The following SEPTIN3 variants were observed in gnomAD, a reference collection of about 807,000 sequenced individuals.
The protein encoded by SEPTIN3 is neuronal-specific septin-3.
A neutral mutation model predicts 45.1 loss-of-function variants in SEPTIN3; 15 were observed. The observed-to-expected ratio is 0.33, with a 90% confidence interval of 0.22 to 0.51. SEPTIN3 has a LOEUF of 0.51. Among genes scored for constraint, SEPTIN3 ranks in the 20% least tolerant of loss-of-function variants. SEPTIN3 has a pLI of 0.97. For missense variants in SEPTIN3, 289 were observed against 457.2 expected (o/e 0.63, Z 3.35); for synonymous variants, 148 against 164.8 (o/e 0.90, Z 0.78).
chr22:41,991,963 A>G (rs1413871186), intron 8 of SEPTIN3, among the ~76,000 whole-genome samples: 2 of 152,186 alleles, frequency 1.3e-5, no homozygotes, highest in African/African-American at 4.8e-5. Flanking sequence ...GCAGGCAGGA[A>G]GAGCATCAGG....
intron 2 of SEPTIN3, among the ~76,000 whole-genome samples, chr22:41,979,807 TGA>T (rs548813448): frequency 5.9e-5 from 9 of 152,026 alleles, no homozygotes; most frequent in Non-Finnish European, 1.3e-4. Context: ...TGGAGGGAGA[TGA>T]GAGTAGGCTC....
rs910655032 is a variant in SEPTIN3 at position 41,971,553 on chromosome 22, G to A, written c.61G>A (p.Gly21Arg). The A allele has an allele frequency of 1.9e-4, 76 of 399,144 alleles. No homozygotes were observed. The Admixed American group carries it at 2.2e-3, about 12-fold the overall frequency. The allele number at this position is 399,144 out of a possible 1,614,324, so 24.7% of individuals were successfully genotyped here. ...GCAGTCGCATGGAGCTCCAGGCCCG[G>A]GAACCTCCTTCTCCCATAGCCATGT... ...EMQSHGAPGP[G>R]TSFSHSHVLG... Residue 21 changes from glycine to arginine, a missense_variant, in exon 2 of 12, where the codon GGA (glycine) becomes AGA (arginine). This residue lies in a region of SEPTIN3 where 200 missense variants were observed against 315.1 expected (regional missense o/e 0.63). Transcript: ENST00000644076.
intron 7 of SEPTIN3, among the ~76,000 whole-genome samples, chr22:41,990,004 C>G (rs1291692101): frequency 6.6e-6 from 1 of 151,972 alleles, no homozygotes; most frequent in Admixed American, 6.5e-5. Flanking sequence ...AAGGGCTAGA[C>G]TAATTAGTGA....
rs753358088 is a variant in SEPTIN3, at chr22:41,986,091, G to A, written c.1804G>A (p.Glu602Lys). 1 of 1,613,452 alleles carries A rather than the reference G, an allele frequency of 6.2e-7. No individual in the cohort carries two copies. The highest frequency in any genetic ancestry group is 1.1e-5 in the South Asian group (1 of 91,018). ...NREEKIPKTV[E>K]IKAIGHVIEE... ...GGAGGAGAAGATCCCCAAGACAGTG[G>A]AGATCAAAGCTATCGGGCATGGTGA... The change falls in exon 4 of 12, where the codon GAG (glutamate) becomes AAG (lysine). Residue 602 changes from glutamate to lysine, a missense_variant. Physicochemically the swap from Glu to Lys is moderately conservative, Grantham distance 56. Coordinates refer to ENST00000644076, the MANE Select transcript of SEPTIN3 (RefSeq NM_001363845.2).
At chr22:41,980,625 A>G (rs560390192) in intron 2 of SEPTIN3, among the ~76,000 whole-genome samples, 3 of 152,290 alleles carry the variant, frequency 2.0e-5, no homozygotes, top group African/African-American at 7.2e-5. Context: ...GGATGGGGAA[A>G]TGGAGGTGCT....
Position 41,994,818 on chromosome 22 carries a change from A to G in SEPTIN3, c.2505+104A>G. 3.1e-6 allele frequency: 5 copies of G among 1,596,950 alleles called. No individual in the cohort carries two copies. Among genetic ancestry groups the G allele is most frequent in the Non-Finnish European group, 4.3e-6 (5 of 1,172,424 alleles). The stretch of plus-strand genomic sequence containing the variant: ...ACACACACACATCCCAAATACCACC[A>G]CCAACCACCTTCTTCCTCTCAACTC... On this transcript the variant is annotated intron_variant, in intron 11 of 11. Transcript: ENST00000644076. This position sits in a 1 kb window ranked among gnomAD's most constrained non-coding sequence, Gnocchi z 4.2.
intron 11 of SEPTIN3, chr22:41,995,278 G>A (rs907587700): frequency 1.0e-6 from 1 of 990,202 alleles, no homozygotes; most frequent in Non-Finnish European, 1.2e-6. Flanking sequence ...GTAAGGCTGG[G>A]GCTTCCTGGG....
chr22:41,986,786 CA>C (rs1336563806), intron 4 of SEPTIN3, among the ~76,000 whole-genome samples: 1 of 152,004 alleles, frequency 6.6e-6, no homozygotes, highest in Non-Finnish European at 1.5e-5. Context: ...CAGGCGTGAG[CA>C]ACCACGCCCG....
At chr22:41,973,210 G>A (rs2077977273) in intron 2 of SEPTIN3, among the ~76,000 whole-genome samples, 1 of 152,116 alleles carries the variant, frequency 6.6e-6, no homozygotes, top group Non-Finnish European at 1.5e-5. Flanking sequence ...CTGAGGTCAG[G>A]CTGAGGGAAA....
intron 11 of SEPTIN3, chr22:41,995,933 GTCTT>G (rs1789568681): frequency 1.0e-6 from 1 of 982,126 alleles, no homozygotes; most frequent in Non-Finnish European, 1.2e-6. Flanking sequence ...TACATAATTT[GTCTT>G]TCTTAGTAAT....
rs1248719498 is a variant in SEPTIN3 at position 41,972,760 on chromosome 22, C to T, written c.1268C>T (p.Ser423Phe). 1 of 399,122 alleles carries T rather than the reference C, an allele frequency of 2.5e-6. No individual in the cohort carries two copies. Among genetic ancestry groups the T allele is most frequent in the Non-Finnish European group, 4.4e-6 (1 of 226,134 alleles). The allele number at this position is 399,122 out of a possible 1,614,324, so 24.7% of individuals were successfully genotyped here. The change falls in exon 2 of 12, where the codon TCT (serine) becomes TTT (phenylalanine). Residue 423 changes from serine to phenylalanine, a missense_variant. Physicochemically the swap from Ser to Phe is radical, Grantham distance 155. Transcript: ENST00000644076. ...NRAKLGTAKN[S>F]LALDTSRMGT... ...GCCAAGCTGGGCACGGCTAAGAATT[C>T]TCTTGCTTTGGACACAAGCAGGATG...
In SEPTIN3 at chr22:41,991,578, C is replaced by T. The variant is rs755556996; in HGVS notation, c.2169C>T (p.Arg723=). The change falls in exon 8 of 12, where the codon CGC becomes CGT. Residue 723 remains arginine (R), a synonymous_variant. Transcript: ENST00000644076. ...EEKSEFKQRV[R]KELEVNGIEF... ...TTTCTTCTCCTCGCCTCTAGGTTCGCAAGGAGCTTGAAGTAAATGGCATTG... is the reference window on the plus strand; with the variant it reads ...TTTCTTCTCCTCGCCTCTAGGTTCGTAAGGAGCTTGAAGTAAATGGCATTG... The T allele has an allele frequency of 1.2e-6, 2 of 1,612,406 alleles. No homozygotes were observed. Among genetic ancestry groups the T allele is most frequent in the East Asian group, 2.2e-5 (1 of 44,872 alleles).
intron 3 of SEPTIN3, chr22:41,982,050 C>A: frequency 1.7e-6 from 1 of 574,926 alleles, no homozygotes; most frequent in South Asian, 2.1e-5. Context: ...CCAGCCCAGC[C>A]CCCCATCACC....
intron 6 of SEPTIN3, among the ~76,000 whole-genome samples, chr22:41,988,700 G>A (rs2078249573): frequency 6.6e-6 from 1 of 152,132 alleles, no homozygotes; most frequent in South Asian, 2.1e-4. Context: ...CCAAGTTGGG[G>A]TCTCAGAGCC....
intron 6 of SEPTIN3, among the ~76,000 whole-genome samples, chr22:41,988,011 T>C (rs899933081): frequency 2.6e-5 from 4 of 152,020 alleles, no homozygotes; most frequent in African/African-American, 4.8e-5. Context: ...TGCCCACTGG[T>C]GTCCCAGCAG....
At chr22:41,987,439 CT>C in intron 5 of SEPTIN3, 152 bp downstream of exon 5, 1 of 1,096,390 alleles carries the variant, frequency 9.1e-7, no homozygotes, top group Non-Finnish European at 1.3e-6. Flanking sequence ...AGCTCCACCC[CT>C]GCTAACTAAC....
intron 3 of SEPTIN3, among the ~76,000 whole-genome samples, chr22:41,982,422 C>T (rs1041637737): frequency 2.0e-5 from 3 of 152,170 alleles, no homozygotes; most frequent in Non-Finnish European, 4.4e-5. Context: ...GCAGGAGAAT[C>T]GCTCGAACCC....
At chr22:41,987,393 T>C in intron 5 of SEPTIN3, 106 bp downstream of exon 5, 1 of 1,188,508 alleles carries the variant, frequency 8.4e-7, no homozygotes, top group Non-Finnish European at 1.2e-6. Context: ...CTCCATGCTC[T>C]GTAGTTCCCG....
In SEPTIN3 at chr22:41,987,364, G is replaced by A. The variant is rs1033556672; in HGVS notation, c.1907+77G>A. 70 of 1,369,024 alleles carry A rather than the reference G, an allele frequency of 5.1e-5. No individual in the cohort carries two copies. The Middle Eastern group carries it at 2.0e-3, about 39-fold the overall frequency. 84.8% of individuals were successfully genotyped at this position (1,369,024 alleles called of 1,614,324 possible). A position where few individuals can be genotyped will look rare whatever the true frequency, so the allele number is the denominator to read the frequency against. Reference sequence around the variant, plus strand: ...CTTACTATGGTGCAGATTCATTCACGTTGAGAACCATCTGCACCCTCCATG... The same window carrying A: ...CTTACTATGGTGCAGATTCATTCACATTGAGAACCATCTGCACCCTCCATG... On this transcript the variant is annotated intron_variant, in intron 5 of 11. Transcript: ENST00000644076.
Sources: allele counts gnomAD v4.1 joint callset (sites outside exome capture counted in the v4.1 genomes callset), GRCh38; gene constraint gnomAD v4.1.1; regional missense constraint gnomAD v4.1.1; non-coding constraint Gnocchi (gnomAD v3.1); transcripts MANE v1.5; gene names NCBI Gene and HGNC (gene_info 2026-07-23, HGNC 2026-07-21).